FNDC1: variants seen among roughly 807,000 people sequenced by gnomAD.
The protein encoded by FNDC1 is fibronectin type III domain-containing protein 1.
Under a neutral mutation model 168.0 loss-of-function variants are expected in FNDC1, and 96 were observed. The observed-to-expected ratio is 0.57, with a 90% CI of 0.48 to 0.68. The LOEUF (loss-of-function observed/expected upper bound fraction) is 0.68. FNDC1 is among the 30% of genes least tolerant of loss of function. FNDC1 has a pLI of 0.00. For synonymous variants in FNDC1, 1,099 were observed against 1,025.9 expected, an observed-to-expected ratio of 1.07 and a Z score of -1.36; for missense variants, 2,587 against 2,482.1, an observed-to-expected ratio of 1.04 and a Z score of -0.90.
chr6:159,267,664 T>C, intron 21 of FNDC1, 140 bp from the exon 22 acceptor site: 1 of 841,020 alleles, frequency 1.2e-6, no homozygotes, highest in Non-Finnish European at 1.8e-6. Context: ...TATCACCATT[T>C]TCAGACATGA....
Position 159,249,089 on chromosome 6 carries a change from A to G in FNDC1, c.4741A>G (p.Thr1581Ala). 3 of 1,606,742 alleles carry G rather than the reference A, an allele frequency of 1.9e-6. No homozygotes were observed. Among genetic ancestry groups the G allele is most frequent in the East Asian group, 2.2e-5 (1 of 44,748 alleles). ...RPPTTTEPST[T>A]ATTPRVIPEE... ...ACCAACCACCACTGAGCCTTCGACCACTGCTACCACACCGAGGGTGATCCC... is the reference window on the plus strand; with the variant it reads ...ACCAACCACCACTGAGCCTTCGACCGCTGCTACCACACCGAGGGTGATCCC... Residue 1581 changes from threonine (T) to alanine (A), a missense_variant, in exon 16 of 23, where the codon ACT becomes GCT. Thr to Ala is a moderately conservative substitution (Grantham distance 58). Transcript: ENST00000297267.
chr6:159,214,430 C>G (rs760840444), intron 4 of FNDC1, among the ~76,000 whole-genome samples: 6 of 152,108 alleles, frequency 3.9e-5, no homozygotes, highest in Non-Finnish European at 7.3e-5. Flanking sequence ...TCTGGAGGAG[C>G]AAGGCTTAGA....
rs1385288462 is a variant in FNDC1 at position 159,233,301 on chromosome 6, A to G, written c.2789A>G (p.Lys930Arg). The change falls in exon 11 of 23, where the codon AAA becomes AGA. Residue 930 changes from lysine (K) to arginine (R), a missense_variant. Physicochemically the swap from Lys to Arg is conservative, Grantham distance 26. Transcript: ENST00000297267. This position sits in a 1 kb window ranked among gnomAD's most constrained non-coding sequence, Gnocchi z 4.6. ...AAGGAACCCATCCCAGAGAACCCCA[A>G]ATCCACAGGGGCAGATACACATCCT... The part of the protein sequence containing the change: ...HRKEPIPENP[K>R]STGADTHPQG... 3 of 1,613,812 alleles carry G rather than the reference A, an allele frequency of 1.9e-6. No individual in the cohort carries two copies. Among genetic ancestry groups the G allele is most frequent in the East Asian group, 2.2e-5 (1 of 44,862 alleles).
rs748161928 is a variant in FNDC1 at position 159,223,514 on chromosome 6, CGTT to C, written c.767-11_767-9del. 5.7e-6 allele frequency: 9 copies of C among 1,577,570 alleles called. No homozygotes were observed. The highest frequency in any genetic ancestry group is 2.7e-5 in the African/African-American group (2 of 73,930). ...TGAGAGAAAGCCTTTCTCTGGGTCTCGTTGTCATTTCAGAAGAGGACGAATTGG... is the reference window on the plus strand; with the variant it reads ...TGAGAGAAAGCCTTTCTCTGGGTCTCGTCATTTCAGAAGAGGACGAATTGG... On this transcript the variant is annotated splice_polypyrimidine_tract_variant and intron_variant, in intron 6 of 22. Coordinates refer to ENST00000297267, the MANE Select transcript of FNDC1 (RefSeq NM_032532.3).
At chr6:159,219,889 T>C (rs1782785175) in intron 5 of FNDC1, among the ~76,000 whole-genome samples, 1 of 152,198 alleles carries the variant, frequency 6.6e-6, no homozygotes, top group Non-Finnish European at 1.5e-5. Flanking sequence ...CATTTTTGTT[T>C]GTTTGTTTGT....
At position 159,191,441 on chromosome 6, in the gene FNDC1, C is replaced by A. The variant is rs1401890828; in HGVS notation, c.110-5990C>A. Among the ~76,000 whole-genome samples the A allele has an allele frequency of 3.5e-4, 53 of 152,172 alleles. 1 individual carries two copies. The highest frequency in any genetic ancestry group is 1.5e-5 in the Non-Finnish European group (1 of 68,014). ...TCCAGGGAATACTTGGTAGAAAAAT[C>A]AAAGAAGAAATAGCATTTGTTTTTC... On this transcript the variant is annotated intron_variant, in intron 1 of 22. Coordinates refer to ENST00000297267, the MANE Select transcript of FNDC1 (RefSeq NM_032532.3).
At chr6:159,218,427 G>C (rs553525451) in intron 5 of FNDC1, 1 of 152,288 alleles carries the variant, frequency 6.6e-6, no homozygotes, top group Non-Finnish European at 1.5e-5. Context: ...GTGAGGAGGA[G>C]GGCTCCTGGA....
At chr6:159,170,057 C>T (rs554483122) in intron 1 of FNDC1, 1 of 154,350 alleles carries the variant, frequency 6.5e-6, no homozygotes, top group South Asian at 2.1e-4. Flanking sequence ...CCCAGAATTT[C>T]TCGGGAGCGT....
At position 159,221,683 on chromosome 6, in the gene FNDC1, G is replaced by A. The variant is rs751215786; in HGVS notation, c.753G>A (p.Lys251=). ...CAGTCTACAGGGCTGCCCTAACAAA[G>A]CGAAAGATTTCAGGTATGTTTCTAA... ...SQPVYRAALT[K]RKISEEDELD... The change falls in exon 6 of 23, where the codon AAG becomes AAA. Residue 251 remains lysine (K), a synonymous_variant. Coordinates refer to ENST00000297267, the MANE Select transcript of FNDC1 (RefSeq NM_032532.3). 10 of 1,613,730 alleles carry A rather than the reference G, an allele frequency of 6.2e-6. No homozygotes were observed. Among genetic ancestry groups the A allele is most frequent in the Middle Eastern group, 1.7e-4 (1 of 6,060 alleles).
Position 159,169,870 on chromosome 6 carries a change from G to T in FNDC1, c.109+165G>T. On this transcript the variant is annotated intron_variant, in intron 1 of 22. Coordinates refer to ENST00000297267, the MANE Select transcript of FNDC1 (RefSeq NM_032532.3). The surrounding 1 kb of genome is among the most constrained non-coding windows in gnomAD (Gnocchi z 6.8). ...TTGGCGCCCTGTGTGGGTGGCGGGAGCGGGGACGCCTCGGTGCCCGGGGAC... is the reference window on the plus strand; with the variant it reads ...TTGGCGCCCTGTGTGGGTGGCGGGATCGGGGACGCCTCGGTGCCCGGGGAC... The T allele has an allele frequency of 4.1e-6, 1 of 245,484 alleles. No homozygotes were observed. The highest frequency in any genetic ancestry group is 8.5e-5 in the East Asian group (1 of 11,708). 15.2% of individuals were successfully genotyped at this position (245,484 alleles called of 1,614,324 possible).
intron 9 of FNDC1, among the ~76,000 whole-genome samples, chr6:159,227,603 C>A (rs962073243): frequency 4.1e-5 from 6 of 147,580 alleles, no homozygotes; most frequent in African/African-American, 1.5e-4. Context: ...CACGTTTTTT[C>A]ACTTTTTTTT....
chr6:159,221,186 G>A (rs73799337), intron 5 of FNDC1, among the ~76,000 whole-genome samples: 3,587 of 152,306 alleles, frequency 0.024, 150 homozygotes, highest in African/African-American at 0.083. Context: ...TCTGGTGACA[G>A]ATTAAAAACA....
At chr6:159,201,186 G>C (rs1782371038) in intron 4 of FNDC1, among the ~76,000 whole-genome samples, 2 of 152,234 alleles carry the variant, frequency 1.3e-5, no homozygotes, top group South Asian at 4.1e-4. Context: ...AATGTAAAAT[G>C]AATGCAGTTA....
At chr6:159,237,280 A>G (rs1443120236) in intron 12 of FNDC1, among the ~76,000 whole-genome samples, 2 of 152,260 alleles carry the variant, frequency 1.3e-5, no homozygotes, top group Non-Finnish European at 2.9e-5. Flanking sequence ...GGCTTCCTCC[A>G]GTAGCCTGAG....
In FNDC1 at chr6:159,263,093, C is replaced by T. The variant is rs111459576; in HGVS notation, c.5254+1824C>T. Among the ~76,000 whole-genome samples, 368 of 152,270 alleles carry T rather than the reference C, an allele frequency of 2.4e-3. 1 individual carries two copies. Among genetic ancestry groups the T allele is most frequent in the African/African-American group, 8.1e-3 (335 of 41,544 alleles). On this transcript the variant is annotated intron_variant, in intron 19 of 22. Transcript: ENST00000297267. ...CTGTGCCATGAGTTCAGGGTTTTGT[C>T]GTCTGTGCTGGTGTCATTTTGTTTG...
Position 159,267,790 on chromosome 6 carries a change from A to G in FNDC1, c.5447-14A>G, listed in dbSNP as rs1278263279. On this transcript the variant is annotated splice_polypyrimidine_tract_variant and intron_variant, in intron 21 of 22. Transcript: ENST00000297267. Reference sequence around the variant, plus strand: ...CTGTACCTAGTCATGGACTCAATCAATTCCTTCATGCAGATACATTCTACA... The same window carrying G: ...CTGTACCTAGTCATGGACTCAATCAGTTCCTTCATGCAGATACATTCTACA... The G allele has an allele frequency of 3.1e-6, 5 of 1,613,430 alleles. No homozygotes were observed. In the East Asian group the frequency reaches 8.9e-5, roughly 29 times the overall value.
rs1458849881 is a variant in FNDC1 at position 159,234,094 on chromosome 6, C to A, written c.3582C>A (p.Asp1194Glu). The stretch of plus-strand genomic sequence containing the variant: ...GATTTTTTAAAGGCGGGAAAGAAGA[C>A]CTTCTGTCTTCCTCTGTGCCAAAGT... ...DAGFFKGGKE[D>E]LLSSSVPKWP... Residue 1194 changes from aspartate (D) to glutamate (E), a missense_variant, in exon 11 of 23, where the codon GAC becomes GAA. By Grantham distance (45) the Asp-to-Glu change is conservative. Transcript: ENST00000297267. The A allele has an allele frequency of 3.1e-6, 5 of 1,611,038 alleles. No homozygotes were observed. The highest frequency in any genetic ancestry group is 4.2e-6 in the Non-Finnish European group (5 of 1,178,850).
Position 159,266,085 on chromosome 6 carries a change from C to T in FNDC1, c.5286C>T (p.Gly1762=), listed in dbSNP as rs531683818. The T allele has an allele frequency of 1.7e-5, 28 of 1,613,618 alleles. No individual in the cohort carries two copies. Among genetic ancestry groups the T allele is most frequent in the Non-Finnish European group, 2.4e-5 (28 of 1,179,726 alleles). Residue 1762 remains glycine, a splice_region_variant and synonymous_variant, in exon 21 of 23, where the codon GGC becomes GGT. Transcript: ENST00000297267. The part of the protein sequence containing the change: ...DNPLLVVRPP[G]GEPIWIPFAF... ...GCAGGTGTGTTTTGTGTTGTCAAGGCGGTGAGCCTATCTGGATCCCATTCG... is the reference window on the plus strand; with the variant it reads ...GCAGGTGTGTTTTGTGTTGTCAAGGTGGTGAGCCTATCTGGATCCCATTCG...
chr6:159,246,675 C>T (rs897536588), intron 14 of FNDC1, among the ~76,000 whole-genome samples: 5 of 152,156 alleles, frequency 3.3e-5, no homozygotes, highest in Non-Finnish European at 1.5e-5. Context: ...CCTAATGGGG[C>T]AGGCATTTGT....
Sources: allele counts gnomAD v4.1 joint callset (sites outside exome capture counted in the v4.1 genomes callset), GRCh38; gene constraint gnomAD v4.1.1; non-coding constraint Gnocchi (gnomAD v3.1); transcripts MANE v1.5; gene names NCBI Gene and HGNC (gene_info 2026-07-23, HGNC 2026-07-21).